Variants in HYCC1 observed in about 807,000 individuals in gnomAD.
The protein encoded by HYCC1 is hyccin.
chr7:22,977,455 T>A, the HYCC1 span: 1 of 1,190,294 alleles, frequency 8.4e-7, no homozygotes, highest in African/African-American at 1.5e-5. Context: ...TTAAAATACA[T>A]ACTTTCTTAC....
At chr7:22,934,973 A>C in the HYCC1 span, 16 of 152,204 alleles carry the variant, frequency 1.1e-4, no homozygotes, top group African/African-American at 3.6e-4. Flanking sequence ...TCAGTTAGGG[A>C]ATGGTGGGAA....
At chr7:22,949,439 C>T in the HYCC1 span, among the ~76,000 whole-genome samples, 1 of 152,118 alleles carries the variant, frequency 6.6e-6, no homozygotes, top group Non-Finnish European at 1.5e-5. Context: ...TATCCTCTGA[C>T]ATCCCACAGT....
the HYCC1 span, among the ~76,000 whole-genome samples, chr7:22,991,872 C>T: frequency 6.6e-6 from 1 of 152,068 alleles, no homozygotes; most frequent in Admixed American, 6.6e-5. Context: ...CTTCCAAATT[C>T]AGTCACAAAT....
At chr7:23,000,276 T>C in the HYCC1 span, among the ~76,000 whole-genome samples, 1 of 152,182 alleles carries the variant, frequency 6.6e-6, no homozygotes, top group Admixed American at 6.5e-5. Context: ...AACTCTCTAC[T>C]CTTAAAAATA....
chr7:22,994,035 T>G, the HYCC1 span, among the ~76,000 whole-genome samples: 1 of 152,138 alleles, frequency 6.6e-6, no homozygotes, highest in African/African-American at 2.4e-5. Flanking sequence ...GGCTAGAGTG[T>G]AATGGCGCTA....
At chr7:22,920,187 A>G in the HYCC1 span, among the ~76,000 whole-genome samples, 7,812 of 152,162 alleles carry the variant, frequency 0.051, 224 homozygotes, top group Non-Finnish European at 0.056. Context: ...TCCACAAAAA[A>G]ATATTTTAAG....
the HYCC1 span, among the ~76,000 whole-genome samples, chr7:22,925,545 C>T: frequency 3.3e-5 from 5 of 152,026 alleles, no homozygotes; most frequent in African/African-American, 7.3e-5. Context: ...GCACAAGCCT[C>T]GGTAACCAAT....
the HYCC1 span, among the ~76,000 whole-genome samples, chr7:22,914,804 G>T: frequency 6.6e-6 from 1 of 151,978 alleles, no homozygotes; most frequent in Non-Finnish European, 1.5e-5. Flanking sequence ...ATGAGGCCAA[G>T]CCAGGTCCCA....
chr7:23,005,171 A>C, the HYCC1 span, among the ~76,000 whole-genome samples: 2 of 152,282 alleles, frequency 1.3e-5, no homozygotes, highest in African/African-American at 4.8e-5. Context: ...CCAGTGTTTT[A>C]ATATAGCTCA....
chr7:22,991,448 CA>C, the HYCC1 span, among the ~76,000 whole-genome samples: 526 of 152,054 alleles, frequency 3.5e-3, 5 homozygotes, highest in African/African-American at 0.012. Flanking sequence ...TCAAAAAGAT[CA>C]TTTATCTTAA....
chr7:22,947,203 C>G, the HYCC1 span: 3 of 1,549,946 alleles, frequency 1.9e-6, no homozygotes, highest in South Asian at 3.6e-5. Context: ...TCAGGAATGA[C>G]AAGGATGCCC....
chr7:22,927,367 G>C, the HYCC1 span, among the ~76,000 whole-genome samples: 9 of 141,526 alleles, frequency 6.4e-5, no homozygotes, highest in African/African-American at 2.3e-4. Context: ...ACACAAAAAA[G>C]CCTTCAAAAA....
At chr7:22,945,449 A>G in the HYCC1 span, 2 of 688,372 alleles carry the variant, frequency 2.9e-6, no homozygotes, top group African/African-American at 3.6e-5. Flanking sequence ...TCTTCCCTTC[A>G]TAAAGTCAGG....
At chr7:22,951,441 A>G in the HYCC1 span, among the ~76,000 whole-genome samples, 1 of 151,926 alleles carries the variant, frequency 6.6e-6, no homozygotes, top group East Asian at 1.9e-4. Context: ...TAAAAATATA[A>G]TTTATTATTT....
chr7:22,999,769 T>C, the HYCC1 span, among the ~76,000 whole-genome samples: 1 of 152,098 alleles, frequency 6.6e-6, no homozygotes, highest in African/African-American at 2.4e-5. Flanking sequence ...TTCTATTAGT[T>C]TGCACCATTA....
chr7:22,963,367 G>C, the HYCC1 span, among the ~76,000 whole-genome samples: 1 of 152,144 alleles, frequency 6.6e-6, no homozygotes, highest in Non-Finnish European at 1.5e-5. Flanking sequence ...GGAACTACAA[G>C]AAAGAGTCTA....
the HYCC1 span, among the ~76,000 whole-genome samples, chr7:22,903,140 A>G: frequency 6.6e-6 from 1 of 152,176 alleles, no homozygotes; most frequent in Non-Finnish European, 1.5e-5. Context: ...AAAATAAAGC[A>G]GCCACTGTGG....
the HYCC1 span, among the ~76,000 whole-genome samples, chr7:22,985,301 C>A: frequency 0.35 from 53,129 of 152,038 alleles, 9,342 homozygotes; most frequent in East Asian, 0.47. Context: ...ACATTTGATT[C>A]ATTTTCACTT....
chr7:22,898,978 G>T, the HYCC1 span, among the ~76,000 whole-genome samples: 26 of 152,202 alleles, frequency 1.7e-4, no homozygotes, highest in Non-Finnish European at 3.5e-4. Context: ...GGTTTATGTG[G>T]TTGGTCCAAA....
Sources: gnomAD v4.1 joint callset for allele counts (sites outside exome capture counted in the v4.1 genomes callset) on GRCh38, gnomAD v4.1.1 for gene constraint, MANE v1.5 for transcripts, NCBI Gene and HGNC (gene_info 2026-07-23, HGNC 2026-07-21) for gene names.